PCDHGA7: variants seen among roughly 807,000 people sequenced by gnomAD.
PCDHGA7 encodes protocadherin gamma subfamily A, 7.
Under a neutral mutation model 58.3 loss-of-function variants are expected in PCDHGA7, and 44 were observed. That is an observed-to-expected ratio of 0.75 (90% confidence interval 0.59 to 0.97). The LOEUF (loss-of-function observed/expected upper bound fraction) is 0.97, where lower values mean the gene tolerates loss of function less well. Ranked by LOEUF, PCDHGA7 falls within the 50% of genes least tolerant of loss-of-function variation. The pLI, the probability that PCDHGA7 is intolerant of heterozygous loss-of-function variation, is 0.00. For missense variants in PCDHGA7, 1,266 were observed against 1,188.7 expected (o/e 1.06, Z -0.96); for synonymous variants, 516 against 504.2 (o/e 1.02, Z -0.31).
rs376466215 is a variant in PCDHGA7, at chr5:141,390,102, A to G, written c.2424+4779A>G. ...TAAATCCGAATCCGTGGTTCCCCCC[A>G]ACTACAGCGAGGGGACTTTGCCTTA... is the stretch of plus-strand genomic sequence containing the variant. On this transcript the variant is annotated intron_variant, in intron 1 of 3. Transcript: ENST00000518325. The G allele has an allele frequency of 4.3e-6, 7 of 1,613,886 alleles. No homozygotes were observed. The African/African-American group carries it at 6.7e-5, about 15-fold the overall frequency.
chr5:141,446,266 A>C (rs1268290014), intron 1 of PCDHGA7, among the ~76,000 whole-genome samples: 1 of 152,174 alleles, frequency 6.6e-6, no homozygotes, highest in African/African-American at 2.4e-5. Context: ...TTATTAACTG[A>C]ATAAATACAA....
At chr5:141,414,233 T>A in intron 1 of PCDHGA7, 1 of 1,613,474 alleles carries the variant, frequency 6.2e-7, no homozygotes, top group Non-Finnish European at 8.5e-7. Flanking sequence ...GAGCTGACCA[T>A]CACGTCTCTA....
chr5:141,428,115 G>A (rs753384738), intron 1 of PCDHGA7: 2 of 1,607,178 alleles, frequency 1.2e-6, no homozygotes, highest in Non-Finnish European at 8.5e-7. Flanking sequence ...GCAGGCCATC[G>A]AGCCCGGGCT....
chr5:141,433,286 T>C (rs2097581877), intron 1 of PCDHGA7: 2 of 1,143,608 alleles, frequency 1.7e-6, no homozygotes, highest in African/African-American at 1.6e-5. Flanking sequence ...CTCAAACTCC[T>C]AGGCTCAAGC....
intron 1 of PCDHGA7, chr5:141,404,364 T>A (rs1353392173): frequency 2.5e-6 from 4 of 1,613,962 alleles, no homozygotes; most frequent in Non-Finnish European, 3.4e-6. Context: ...GGTACTTCCA[T>A]CTTCTCCGTG....
At chr5:141,457,469 AG>A (rs1170841505) in intron 1 of PCDHGA7, among the ~76,000 whole-genome samples, 1 of 152,226 alleles carries the variant, frequency 6.6e-6, no homozygotes, top group Non-Finnish European at 1.5e-5. Context: ...CACAGGAATA[AG>A]CAGGGCCAGG....
intron 1 of PCDHGA7, chr5:141,422,963 C>G (rs372620011): frequency 1.1e-5 from 17 of 1,614,238 alleles, no homozygotes; most frequent in Non-Finnish European, 1.4e-5. Context: ...GTGGAGCTGG[C>G]GCCCCGCTCT....
intron 1 of PCDHGA7, chr5:141,393,205 C>A: frequency 6.2e-7 from 1 of 1,613,504 alleles, no homozygotes; most frequent in Non-Finnish European, 8.5e-7. Flanking sequence ...GATAATAACC[C>A]AAAATTCCAG....
chr5:141,435,897 A>G (rs1206255678), intron 1 of PCDHGA7, among the ~76,000 whole-genome samples: 2 of 152,166 alleles, frequency 1.3e-5, no homozygotes, highest in East Asian at 1.9e-4. Context: ...TAGAGAATGA[A>G]AGACATCCAA....
At chr5:141,418,778 T>A (rs1256260275) in intron 1 of PCDHGA7, 1 of 1,613,626 alleles carries the variant, frequency 6.2e-7, no homozygotes, top group East Asian at 2.2e-5. Flanking sequence ...TCAGCAGCCT[T>A]TGGATTTTGA....
At chr5:141,459,568 CAG>C (rs930633590) in intron 1 of PCDHGA7, among the ~76,000 whole-genome samples, 1 of 152,152 alleles carries the variant, frequency 6.6e-6, no homozygotes, top group Non-Finnish European at 1.5e-5. Context: ...TACCCCAAAA[CAG>C]AATTGTTTTG....
In PCDHGA7 at chr5:141,428,425, T is replaced by A. The variant is rs1193842204; in HGVS notation, c.2424+43102T>A. ...GGGTTGCTTTCACCCTGGTCTCTGT[T>A]CTAAGACTAGACCAGGGGTTTTTCC... On this transcript the variant is annotated intron_variant, in intron 1 of 3. Transcript: ENST00000518325. 4 of 436,598 alleles carry A rather than the reference T, an allele frequency of 9.2e-6. No homozygotes were observed. In the East Asian group the frequency reaches 1.9e-4, roughly 21 times the overall value. 27.0% of individuals were successfully genotyped at this position (436,598 alleles called of 1,614,324 possible). A position where few individuals can be genotyped will look rare whatever the true frequency, so the allele number is the denominator to read the frequency against.
intron 1 of PCDHGA7, chr5:141,479,209 A>T (rs1314929824): frequency 6.6e-6 from 1 of 152,432 alleles, no homozygotes; most frequent in African/African-American, 2.4e-5. Context: ...AAAAGTATTT[A>T]AAAAATTAAA....
Position 141,383,664 on chromosome 5 carries a change from G to T in PCDHGA7, c.765G>T (p.Val255=), listed in dbSNP as rs1486639863. Residue 255 remains valine (V), a synonymous_variant, in exon 1 of 4, where the codon GTG becomes GTT. Transcript: ENST00000518325. ...ACCAAGTAACTGTCCCCGAGAATGT[G>T]CCAGTGGGTACAAGACTGCTCACGG... is the stretch of plus-strand genomic sequence containing the variant. ...PQYQVTVPEN[V]PVGTRLLTVH... is the part of the protein sequence containing the mutation. 1 of 1,614,052 alleles carries T rather than the reference G, an allele frequency of 6.2e-7. No individual in the cohort carries two copies. Among genetic ancestry groups the T allele is most frequent in the Non-Finnish European group, 8.5e-7 (1 of 1,179,902 alleles).
chr5:141,509,115 G>C (rs1480955058), intron 3 of PCDHGA7, among the ~76,000 whole-genome samples: 1 of 152,186 alleles, frequency 6.6e-6, no homozygotes, highest in Non-Finnish European at 1.5e-5. Flanking sequence ...GAGCGCTGGT[G>C]CGTGAAGAGA....
Position 141,490,457 on chromosome 5 carries a change from T to C in PCDHGA7, c.2425-4350T>C. 1 of 1,614,214 alleles carries C rather than the reference T, an allele frequency of 6.2e-7. No homozygotes were observed. Among genetic ancestry groups the C allele is most frequent in the Non-Finnish European group, 8.5e-7 (1 of 1,180,042 alleles). ...AAGCCTTCTGAGAACCACTACTCGC[T>C]GCTAACCAGCCAGCCTTTGGACCGG... On this transcript the variant is annotated intron_variant, in intron 1 of 3. Coordinates refer to ENST00000518325, the MANE Select transcript of PCDHGA7 (RefSeq NM_018920.4). The surrounding 1 kb of genome is among the most constrained non-coding windows in gnomAD (Gnocchi z 5.4).
chr5:141,427,287 A>G (rs1030754713), intron 1 of PCDHGA7: 2 of 456,716 alleles, frequency 4.4e-6, no homozygotes, highest in African/African-American at 4.0e-5. Flanking sequence ...TATACTAGAA[A>G]TCCTAGATGA....
chr5:141,392,614 C>T (rs1000219739), intron 1 of PCDHGA7: 3 of 532,708 alleles, frequency 5.6e-6, no homozygotes, highest in African/African-American at 1.9e-5. Flanking sequence ...ACAAATGCAA[C>T]CGAAAACACT....
intron 1 of PCDHGA7, chr5:141,414,081 T>G: frequency 6.2e-7 from 1 of 1,601,774 alleles, no homozygotes; most frequent in Non-Finnish European, 8.5e-7. Context: ...ACAAATATAC[T>G]GGAGAAATAA....
Sources: gnomAD v4.1 joint callset for allele counts (sites outside exome capture counted in the v4.1 genomes callset) on GRCh38, gnomAD v4.1.1 for gene constraint, Gnocchi (gnomAD v3.1) non-coding constraint, MANE v1.5 for transcripts, NCBI Gene and HGNC (gene_info 2026-07-23, HGNC 2026-07-21) for gene names.